Variants in GYS2 observed in about 807,000 individuals in gnomAD.
GYS2 encodes the protein glycogen synthase 2, also known as glycogen [starch] synthase, liver.
A neutral mutation model predicts 85.6 loss-of-function variants in GYS2; 80 were observed. The observed-to-expected ratio is 0.93, with a 90% confidence interval of 0.78 to 1.13. The LOEUF (loss-of-function observed/expected upper bound fraction) is 1.13, where lower values mean the gene tolerates loss of function less well. GYS2 is among the 50% of genes most tolerant of loss of function. The pLI is 0.00. For missense variants in GYS2, 881 were observed against 854.9 expected, an observed-to-expected ratio of 1.03 and a Z score of -0.38; for synonymous variants, 328 against 300.7, an observed-to-expected ratio of 1.09 and a Z score of -0.94.
intron 12 of GYS2, among the ~76,000 whole-genome samples, chr12:21,544,657 A>T (rs796200494): frequency 2.0e-5 from 3 of 152,352 alleles, no homozygotes; most frequent in African/African-American, 7.2e-5. Context: ...GCAATTTGAG[A>T]TATTTATGTG....
chr12:21,593,374 A>G (rs922152429), intron 1 of GYS2, among the ~76,000 whole-genome samples: 17 of 139,002 alleles, frequency 1.2e-4, no homozygotes, highest in African/African-American at 4.6e-4. Context: ...CTCTAGCTAG[A>G]CTAACCAAGA....
intron 1 of GYS2, among the ~76,000 whole-genome samples, chr12:21,600,933 C>T (rs961711496): frequency 1.9e-4 from 29 of 152,048 alleles, no homozygotes; most frequent in Non-Finnish European, 3.8e-4. Flanking sequence ...AAATTATGTC[C>T]AGCAATACGT....
At chr12:21,545,610 C>T (rs1235638027) in intron 12 of GYS2, among the ~76,000 whole-genome samples, 1 of 152,134 alleles carries the variant, frequency 6.6e-6, no homozygotes, top group Non-Finnish European at 1.5e-5. Context: ...ACAAATTGGT[C>T]GCTCTTGATG....
intron 5 of GYS2, among the ~76,000 whole-genome samples, chr12:21,565,481 T>C (rs1048982073): frequency 2.1e-5 from 3 of 146,182 alleles, no homozygotes; most frequent in Non-Finnish European, 4.5e-5. Context: ...AGGTTATTTG[T>C]ATGTAATGGT....
intron 1 of GYS2, among the ~76,000 whole-genome samples, chr12:21,601,221 T>A (rs1226091682): frequency 6.6e-6 from 1 of 152,040 alleles, no homozygotes; most frequent in Non-Finnish European, 1.5e-5. Flanking sequence ...AAACTTTCCA[T>A]CCTGGGTCAC....
intron 15 of GYS2, 168 bp from the exon 16 acceptor site, chr12:21,537,343 G>A (rs934925939): frequency 6.1e-6 from 4 of 650,692 alleles, no homozygotes; most frequent in African/African-American, 5.4e-5. Context: ...ATCTCAAGAG[G>A]GATTCATTCA....
At chr12:21,540,327 T>C (rs1474968254) in intron 14 of GYS2, 83 bp downstream of exon 14, 1 of 1,143,274 alleles carries the variant, frequency 8.7e-7, no homozygotes, top group African/African-American at 1.5e-5. Flanking sequence ...GGATTAACTT[T>C]AGAGATTATG....
intron 1 of GYS2, 61 bp from the exon 2 acceptor site, chr12:21,580,584 G>C: frequency 1.6e-6 from 2 of 1,247,848 alleles, no homozygotes; most frequent in South Asian, 2.4e-5. Context: ...AAAGTAATAA[G>C]GGATGGAAAT....
In GYS2 at chr12:21,569,010, C is replaced by T; in HGVS notation, c.679-1G>A. 6.2e-7 allele frequency: 1 copy of T among 1,614,084 alleles called. No homozygotes were observed. The highest frequency in any genetic ancestry group is 8.5e-7 in the Non-Finnish European group (1 of 1,179,928). The stretch of plus-strand genomic sequence containing the variant: ...CCCCAGCCTCTTTGTCAATGTTAAA[C>T]TGTTAGAAACAAAAATAAAACACAC... On this transcript the variant is annotated splice_acceptor_variant, in intron 4 of 15. Transcript: ENST00000261195. LOFTEE classifies it high-confidence loss of function.
rs1414083709 is a variant in GYS2 at position 21,560,529 on chromosome 12, A to G, written c.1063-37T>C. 4 of 968,804 alleles carry G rather than the reference A, an allele frequency of 4.1e-6. No individual in the cohort carries two copies. The South Asian group carries it at 5.1e-5, about 12-fold the overall frequency. The allele number at this position is 968,804 out of a possible 1,614,324, so 60.0% of individuals were successfully genotyped here. A position where few individuals can be genotyped will look rare whatever the true frequency, so the allele number is the denominator to read the frequency against. On this transcript the variant is annotated intron_variant, in intron 7 of 15. Coordinates refer to ENST00000261195, the MANE Select transcript of GYS2 (RefSeq NM_021957.4). ...TTAGAAAACACAGAGTCAACTATCA[A>G]AGATTTTTAAAAAGTATGATAGATG...
chr12:21,597,271 A>G (rs1944707114), intron 1 of GYS2, among the ~76,000 whole-genome samples: 1 of 152,166 alleles, frequency 6.6e-6, no homozygotes. Context: ...TGAAGAGACA[A>G]GCTGTTGAAT....
At chr12:21,576,469 T>C (rs1202675577) in intron 2 of GYS2, among the ~76,000 whole-genome samples, 2 of 152,206 alleles carry the variant, frequency 1.3e-5, no homozygotes, top group African/African-American at 2.4e-5. Context: ...TTTTCTTTTA[T>C]GGAACAGGAC....
At chr12:21,533,503 T>G (rs1303109777), downstream of GYS2, among the ~76,000 whole-genome samples, 3 of 152,234 alleles carry the variant, frequency 2.0e-5, no homozygotes, top group African/African-American at 7.2e-5. Context: ...TAGAAAGAGC[T>G]CATTTTTAAT....
chr12:21,593,879 C>G (rs1944666819), intron 1 of GYS2, among the ~76,000 whole-genome samples: 1 of 152,034 alleles, frequency 6.6e-6, no homozygotes, highest in South Asian at 2.1e-4. Context: ...TACTAGCAAA[C>G]TGAATCCAAC....
chr12:21,558,556 T>G (rs949740547), intron 10 of GYS2, among the ~76,000 whole-genome samples: 3 of 152,156 alleles, frequency 2.0e-5, no homozygotes, highest in Non-Finnish European at 4.4e-5. Context: ...ATGAGAGACC[T>G]GGACTTCTTG....
At chr12:21,537,404 A>G in intron 15 of GYS2, 1 of 547,982 alleles carries the variant, frequency 1.8e-6, no homozygotes, top group South Asian at 2.2e-5. Context: ...TGTTATATAC[A>G]TATTATTATC....
At chr12:21,554,737 C>T (rs1944157460) in intron 11 of GYS2, among the ~76,000 whole-genome samples, 1 of 152,054 alleles carries the variant, frequency 6.6e-6, no homozygotes, top group Non-Finnish European at 1.5e-5. Flanking sequence ...GTTAGAATAA[C>T]AGATAAGAGT....
At chr12:21,549,257 T>C (rs1944078395) in intron 11 of GYS2, among the ~76,000 whole-genome samples, 1 of 152,190 alleles carries the variant, frequency 6.6e-6, no homozygotes, top group Non-Finnish European at 1.5e-5. Flanking sequence ...CACCCATACC[T>C]AAGGGGTTAT....
chr12:21,575,714 C>G (rs920603130), intron 3 of GYS2, 152 bp downstream of exon 3: 2 of 698,658 alleles, frequency 2.9e-6, no homozygotes, highest in African/African-American at 3.5e-5. Context: ...GCAGAATGCT[C>G]AACATTTCCT....
Sources: gnomAD v4.1 joint callset for allele counts (sites outside exome capture counted in the v4.1 genomes callset) on GRCh38, gnomAD v4.1.1 for gene constraint, MANE v1.5 for transcripts, NCBI Gene and HGNC (gene_info 2026-07-23, HGNC 2026-07-21) for gene names.